The following TRIM2 variants were observed in gnomAD, a reference collection of about 807,000 sequenced individuals.
TRIM2 encodes tripartite motif containing 2.
In TRIM2, 20 loss-of-function variants were observed where a neutral mutation model predicts 75.2. The ratio of observed to expected loss-of-function variants is 0.27; its 90% confidence interval spans 0.19 to 0.39. TRIM2 has a LOEUF of 0.39. TRIM2 is among the 10% of genes least tolerant of loss of function. TRIM2 has a pLI of 1.00. For synonymous variants in TRIM2, 373 were observed against 388.3 expected (o/e 0.96, Z 0.46); for missense variants, 660 against 990.8 (o/e 0.67, Z 4.48).
chr4:153,322,888 A>G (rs1174631136), intron 9 of TRIM2, 72 bp downstream of exon 9: 3 of 1,578,338 alleles, frequency 1.9e-6, no homozygotes, highest in Non-Finnish European at 2.6e-6. Context: ...ATGTTGGAGC[A>G]TGTTGAAGAC....
rs1381159296 is a variant in TRIM2, at chr4:153,242,278, A to T, written c.31-28057A>T. On this transcript the variant is annotated intron_variant, in intron 1 of 11. Transcript: ENST00000338700. ...CGAGGATATGCGGATTCTTAACTAC[A>T]CAAAGTTGGTACTTAGCCTTGGTCT... Among the ~76,000 whole-genome samples the T allele has an allele frequency of 5.9e-5, 9 of 151,304 alleles. No individual in the cohort carries two copies. In the East Asian group the frequency reaches 1.7e-3, roughly 29 times the overall value.
intron 1 of TRIM2, among the ~76,000 whole-genome samples, chr4:153,222,006 AGAAGGAAGG>A (rs1740540271): frequency 2.3e-5 from 1 of 42,890 alleles, no homozygotes; most frequent in South Asian, 1.4e-3. Flanking sequence ...AAGGAAGGAA[AGAAGGAAGG>A]AAAGAGCAAG....
intron 3 of TRIM2, among the ~76,000 whole-genome samples, chr4:153,283,045 G>A (rs1350136589): frequency 6.6e-6 from 1 of 152,098 alleles, no homozygotes; most frequent in Non-Finnish European, 1.5e-5. Flanking sequence ...ACCTCCCAAA[G>A]TGCTGGGATT....
intron 6 of TRIM2, among the ~76,000 whole-genome samples, chr4:153,306,128 CAA>C (rs200865610): frequency 2.0e-4 from 23 of 112,538 alleles, no homozygotes; most frequent in Non-Finnish European, 1.9e-4. Context: ...GACTCCATCT[CAA>C]AAAAAAAAAA....
intron 1 of TRIM2, among the ~76,000 whole-genome samples, chr4:153,156,082 G>T (rs1161241674): frequency 2.0e-5 from 3 of 152,216 alleles, no homozygotes; most frequent in Non-Finnish European, 4.4e-5. Context: ...TAAGGGTAAA[G>T]CATTTTAAAA....
rs770113136 is a variant in TRIM2, at chr4:153,270,318, G to C, written c.31-17G>C. The stretch of plus-strand genomic sequence containing the variant: ...AGATCATTATATGTTTTTCTGTTTT[G>C]ATTTTCTGTCTGACAGCAGCAGCGT... On this transcript the variant is annotated splice_polypyrimidine_tract_variant and intron_variant, in intron 1 of 11. Coordinates refer to ENST00000338700, the MANE Select transcript of TRIM2 (RefSeq NM_015271.5). 6.3e-7 allele frequency: 1 copy of C among 1,599,660 alleles called. No individual in the cohort carries two copies. Among genetic ancestry groups the C allele is most frequent in the Non-Finnish European group, 8.5e-7 (1 of 1,173,212 alleles).
At chr4:153,324,509 TA>T (rs953712563) in intron 10 of TRIM2, 560 of 203,436 alleles carry the variant, frequency 2.8e-3, no homozygotes, top group South Asian at 6.9e-3. Flanking sequence ...ATCTTTTTGT[TA>T]AAAAAAAAAT....
chr4:153,295,453 CGA>C lies in TRIM2; in HGVS notation c.929_930del (p.Glu310AlafsTer73). 1.2e-6 allele frequency: 2 copies of C among 1,614,222 alleles called. No homozygotes were observed. Among genetic ancestry groups the C allele is most frequent in the Admixed American group, 3.3e-5 (2 of 60,036 alleles). On this transcript the variant is annotated frameshift_variant, in exon 6 of 12. Transcript: ENST00000338700. LOFTEE classifies it high-confidence loss of function. The surrounding 1 kb of genome is among the most constrained non-coding windows in gnomAD (Gnocchi z 7.2). ...AGAAGCAGATGAGCGAGAAGCTGAA[CGA>C]GCTGGCCGACCAGGACTTCCCCTTG... The part of the protein sequence containing the change: ...VKKQMSEKLN[E>X]LADQDFPLHP...
At chr4:153,299,152 C>A (rs974361095) in intron 6 of TRIM2, among the ~76,000 whole-genome samples, 1 of 152,144 alleles carries the variant, frequency 6.6e-6, no homozygotes, top group African/African-American at 2.4e-5. Flanking sequence ...CTTTTACCCC[C>A]ACCCTCCCCA....
At chr4:153,160,641 C>T (rs949489057) in intron 1 of TRIM2, among the ~76,000 whole-genome samples, 2 of 152,136 alleles carry the variant, frequency 1.3e-5, no homozygotes, top group Non-Finnish European at 2.9e-5. Flanking sequence ...GTTGCCCAAG[C>T]TGGAGTACAG....
chr4:153,294,869 T>G (rs2150140901), intron 5 of TRIM2, among the ~76,000 whole-genome samples: 1 of 152,346 alleles, frequency 6.6e-6, no homozygotes, highest in Middle Eastern at 3.4e-3. Flanking sequence ...ACTCTGCATG[T>G]CTGTTCACAA....
chr4:153,239,351 CAAAAA>C (rs370599567), intron 1 of TRIM2, among the ~76,000 whole-genome samples: 1 of 107,444 alleles, frequency 9.3e-6, no homozygotes, highest in Non-Finnish European at 2.2e-5. Flanking sequence ...GACTCCGTCT[CAAAAA>C]AAAAAAAAAA....
chr4:153,300,864 C>G (rs76571086), intron 6 of TRIM2, among the ~76,000 whole-genome samples: 2 of 151,500 alleles, frequency 1.3e-5, no homozygotes, highest in Non-Finnish European at 2.9e-5. Context: ...AGGTTCTTTG[C>G]CTTTTTTTTT....
At chr4:153,266,815 A>T (rs1428883382) in intron 1 of TRIM2, 1 of 151,408 alleles carries the variant, frequency 6.6e-6, no homozygotes, top group African/African-American at 2.4e-5. Context: ...TAATAAACTT[A>T]TCTAAAAGGT....
intron 1 of TRIM2, among the ~76,000 whole-genome samples, chr4:153,221,300 T>C (rs1454837603): frequency 6.6e-6 from 1 of 152,142 alleles, no homozygotes; most frequent in Admixed American, 6.5e-5. Flanking sequence ...TGTGGCGGTG[T>C]GCCTATAATC....
chr4:153,152,220 G>A (rs902922020), upstream of TRIM2: 1 of 152,036 alleles, frequency 6.6e-6, no homozygotes, highest in African/African-American at 2.4e-5. Context: ...CAAGGGAACC[G>A]CGTGTCTGGA....
chr4:153,170,503 A>G (rs1039634838), intron 1 of TRIM2, among the ~76,000 whole-genome samples: 1 of 152,124 alleles, frequency 6.6e-6, no homozygotes, highest in Non-Finnish European at 1.5e-5. Context: ...CATCTGCCGC[A>G]TGGTTGCTTT....
upstream of TRIM2, chr4:153,152,427 T>C (rs1170612975): frequency 6.9e-6 from 1 of 145,098 alleles, no homozygotes; most frequent in African/African-American, 2.5e-5. Context: ...TATATATATA[T>C]ATACACACAT....
chr4:153,186,596 TC>T (rs1732622433), intron 1 of TRIM2, among the ~76,000 whole-genome samples: 2 of 152,186 alleles, frequency 1.3e-5, no homozygotes, highest in Non-Finnish European at 1.5e-5. Flanking sequence ...AATCTTCTCC[TC>T]GAGTTACACA....
Sources: allele counts gnomAD v4.1 joint callset (sites outside exome capture counted in the v4.1 genomes callset), GRCh38; gene constraint gnomAD v4.1.1; non-coding constraint Gnocchi (gnomAD v3.1); transcripts MANE v1.5; gene names NCBI Gene and HGNC (gene_info 2026-07-23, HGNC 2026-07-21).